Variants in NCKAP5 observed in about 807,000 individuals in gnomAD.
NCKAP5 encodes NCK associated protein 5.
NCKAP5 carries 92 observed loss-of-function variants against 167.0 expected under a neutral mutation model. The observed-to-expected ratio is 0.55, with a 90% CI of 0.47 to 0.66. The LOEUF is 0.66. Among genes scored for constraint, NCKAP5 ranks in the 30% least tolerant of loss-of-function variants. NCKAP5 has a pLI of 0.00. For missense variants in NCKAP5, 2,378 were observed against 2,315.0 expected (o/e 1.03, Z -0.56); for synonymous variants, 891 against 877.4 (o/e 1.02, Z -0.27).
chr2:132,787,977 G>A (rs1490565296), intron 13 of NCKAP5, among the ~76,000 whole-genome samples: 2 of 152,072 alleles, frequency 1.3e-5, no homozygotes, highest in Admixed American at 6.6e-5. Flanking sequence ...GCTGCACTGC[G>A]ACTTGCCCCA....
chr2:133,259,850 C>A (rs1292373202), intron 4 of NCKAP5, among the ~76,000 whole-genome samples: 1 of 152,168 alleles, frequency 6.6e-6, no homozygotes, highest in Non-Finnish European at 1.5e-5. Flanking sequence ...CCCCAAATTT[C>A]CTTCCTTTCT....
chr2:133,384,223 T>A (rs1398157147), intron 3 of NCKAP5, among the ~76,000 whole-genome samples: 2 of 152,232 alleles, frequency 1.3e-5, no homozygotes, highest in African/African-American at 4.8e-5. Context: ...CATCTTTAAT[T>A]AATTTTTGTA....
At chr2:132,739,084 G>T (rs1691790748) in intron 16 of NCKAP5, among the ~76,000 whole-genome samples, 1 of 152,034 alleles carries the variant, frequency 6.6e-6, no homozygotes, top group Non-Finnish European at 1.5e-5. Flanking sequence ...TAGCTGCAAA[G>T]AAAAAAAGTT....
At chr2:133,576,536 G>T in the NCKAP5 span, among the ~76,000 whole-genome samples, 1 of 152,084 alleles carries the variant, frequency 6.6e-6, no homozygotes. Context: ...AGTACTTCAG[G>T]TTCTATGTAT....
At chr2:132,981,213 A>C (rs1005444977) in intron 7 of NCKAP5, among the ~76,000 whole-genome samples, 2 of 152,220 alleles carry the variant, frequency 1.3e-5, no homozygotes, top group Admixed American at 6.5e-5. Flanking sequence ...CTCTTCGTTT[A>C]AACAAATGAA....
chr2:132,929,979 T>G (rs559644368), intron 8 of NCKAP5: 1 of 152,244 alleles, frequency 6.6e-6, no homozygotes, highest in Admixed American at 6.5e-5. Flanking sequence ...ATCTGCTGGT[T>G]TTTAAACTCG....
Position 133,498,605 on chromosome 2 carries a change from G to GA in NCKAP5, c.69+18852dup, listed in dbSNP as rs553666111. On this transcript the variant is annotated intron_variant, in intron 3 of 19. Coordinates refer to ENST00000409261, the MANE Select transcript of NCKAP5 (RefSeq NM_207363.3). ...GGAGACAGGGAGAAGGGAAAAATGG[G>GA]AAAAAAGAAAAGATAAATATGTACA... is the stretch of plus-strand genomic sequence containing the variant. Among the ~76,000 whole-genome samples, 5 of 148,078 alleles carry GA rather than the reference G, an allele frequency of 3.4e-5. No individual in the cohort carries two copies. The South Asian group carries it at 1.1e-3, about 32-fold the overall frequency.
chr2:132,673,646 CT>C (rs1423773517), intron 19 of NCKAP5, among the ~76,000 whole-genome samples: 1 of 152,042 alleles, frequency 6.6e-6, no homozygotes, highest in Non-Finnish European at 1.5e-5. Context: ...TAAGTATTAG[CT>C]GTACTTTTTC....
At chr2:132,764,075 G>T (rs1681245468) in intron 16 of NCKAP5, among the ~76,000 whole-genome samples, 2 of 152,134 alleles carry the variant, frequency 1.3e-5, no homozygotes, top group Non-Finnish European at 2.9e-5. Flanking sequence ...AAAAACAGAG[G>T]AAAGGAGTCA....
At chr2:133,125,192 A>G (rs918478699) in intron 6 of NCKAP5, among the ~76,000 whole-genome samples, 3 of 151,366 alleles carry the variant, frequency 2.0e-5, no homozygotes, top group African/African-American at 7.3e-5. Context: ...TCCTCACTTT[A>G]TCACCTAAGT....
intron 13 of NCKAP5, among the ~76,000 whole-genome samples, chr2:132,786,475 C>T (rs16841335): frequency 0.32 from 48,860 of 152,022 alleles, 8,474 homozygotes; most frequent in East Asian, 0.45. Flanking sequence ...GCTGGGCATT[C>T]GCTGTTAGAA....
At chr2:133,622,744 T>G in the NCKAP5 span, among the ~76,000 whole-genome samples, 31 of 152,200 alleles carry the variant, frequency 2.0e-4, no homozygotes, top group Non-Finnish European at 4.4e-4. Flanking sequence ...AAAAGCCACC[T>G]ATAAATTCAA....
At chr2:133,594,213 T>C in the NCKAP5 span, among the ~76,000 whole-genome samples, 1 of 152,156 alleles carries the variant, frequency 6.6e-6, no homozygotes, top group Non-Finnish European at 1.5e-5. Flanking sequence ...GGCTTGATGG[T>C]TAGGTGGCTG....
chr2:133,308,116 T>C lies in NCKAP5; in HGVS notation c.70-5006A>G, dbSNP rs1393840379. Among the ~76,000 whole-genome samples, 360 of 130,390 alleles carry C rather than the reference T, an allele frequency of 2.8e-3. 2 individuals are homozygous for C. Among genetic ancestry groups the C allele is most frequent in the African/African-American group, 1.0e-2 (334 of 33,484 alleles). The allele number at this position is 130,390 out of a possible 152,430, so 85.5% of individuals were successfully genotyped here. A position where few individuals can be genotyped will look rare whatever the true frequency, so the allele number is the denominator to read the frequency against. ...TTTTTTTTTTTTTTTTGAGACGGAGTCTCGCTCTGTCGCCCAGGCTGGAGT... is the reference window on the plus strand; with the variant it reads ...TTTTTTTTTTTTTTTTGAGACGGAGCCTCGCTCTGTCGCCCAGGCTGGAGT... On this transcript the variant is annotated intron_variant, in intron 3 of 19. Coordinates refer to ENST00000409261, the MANE Select transcript of NCKAP5 (RefSeq NM_207363.3).
chr2:133,344,028 C>T (rs189207651), intron 3 of NCKAP5, among the ~76,000 whole-genome samples: 14 of 152,184 alleles, frequency 9.2e-5, no homozygotes, highest in South Asian at 4.2e-4. Flanking sequence ...CCAGAGACTG[C>T]GGGGAATGGT....
chr2:133,600,496 G>A, the NCKAP5 span, among the ~76,000 whole-genome samples: 42 of 152,218 alleles, frequency 2.8e-4, no homozygotes, highest in Non-Finnish European at 7.3e-5. Context: ...GGGCGCCTTT[G>A]AGAAATGCTC....
chr2:133,566,005 C>T (rs1688524578), intron 1 of NCKAP5, among the ~76,000 whole-genome samples: 1 of 152,152 alleles, frequency 6.6e-6, no homozygotes, highest in African/African-American at 2.4e-5. Context: ...AAAAATGGCA[C>T]AAGATACCAT....
intron 3 of NCKAP5, among the ~76,000 whole-genome samples, chr2:133,314,652 C>T (rs956206048): frequency 6.6e-6 from 1 of 152,336 alleles, no homozygotes; most frequent in South Asian, 2.1e-4. Flanking sequence ...TATGTTCAGG[C>T]ACTCTTCAAG....
chr2:133,587,786 G>A, the NCKAP5 span, among the ~76,000 whole-genome samples: 2 of 152,154 alleles, frequency 1.3e-5, no homozygotes, highest in African/African-American at 4.8e-5. Context: ...CCTCCCTGCT[G>A]TAACAAAATG....
Sources: allele counts gnomAD v4.1 joint callset (sites outside exome capture counted in the v4.1 genomes callset), GRCh38; gene constraint gnomAD v4.1.1; transcripts MANE v1.5; gene names NCBI Gene and HGNC (gene_info 2026-07-23, HGNC 2026-07-21).